Variants in TMPRSS11B observed in about 807,000 individuals in gnomAD.
TMPRSS11B encodes the protein transmembrane protease serine 11B.
In TMPRSS11B, 53 loss-of-function variants were observed where a neutral mutation model predicts 44.7. That is an observed-to-expected ratio of 1.19 (90% CI 0.95 to 1.49). The LOEUF (loss-of-function observed/expected upper bound fraction) is 1.49, where lower values mean the gene tolerates loss of function less well. Ranked by LOEUF, TMPRSS11B falls within the 40% of genes most tolerant of loss-of-function variation. TMPRSS11B has a pLI of 0.00. For missense variants in TMPRSS11B, 526 were observed against 494.8 expected (o/e 1.06, Z -0.60); for synonymous variants, 140 against 159.2 (o/e 0.88, Z 0.91).
intron 5 of TMPRSS11B, among the ~76,000 whole-genome samples, chr4:68,232,930 A>T (rs544801776): frequency 6.8e-6 from 1 of 146,448 alleles, no homozygotes; most frequent in African/African-American, 2.5e-5. Flanking sequence ...TTTACTCTGA[A>T]ATGCTCAGAA....
Position 68,235,999 on chromosome 4 carries a change from TAC to T in TMPRSS11B, c.308+1_308+2del, listed in dbSNP as rs766163085. 7.8e-6 allele frequency: 12 copies of T among 1,546,336 alleles called. 1 individual carries two copies. In the Admixed American group the frequency reaches 2.3e-4, roughly 30 times the overall value. Reference sequence around the variant, plus strand: ...ATAAAATCTTAAATGAACTTGTACTTACAGAAGTTTGATGACCTCAGATTTGA... The same window carrying T: ...ATAAAATCTTAAATGAACTTGTACTTAGAAGTTTGATGACCTCAGATTTGA... On this transcript the variant is annotated splice_donor_variant, in intron 4 of 9. Coordinates refer to ENST00000332644, the MANE Select transcript of TMPRSS11B (RefSeq NM_182502.3). LOFTEE classifies it high-confidence loss of function.
intron 1 of TMPRSS11B, among the ~76,000 whole-genome samples, chr4:68,243,120 T>C (rs1022775676): frequency 4.6e-5 from 7 of 152,174 alleles, no homozygotes; most frequent in Non-Finnish European, 1.0e-4. Context: ...TAATTGTCCA[T>C]TGGAGGAAGG....
chr4:68,227,998 AC>A lies in TMPRSS11B; in HGVS notation c.1163del (p.Gly388ValfsTer16). 1 of 1,613,730 alleles carries A rather than the reference AC, an allele frequency of 6.2e-7. No homozygotes were observed. The highest frequency in any genetic ancestry group is 1.7e-5 in the Admixed American group (1 of 59,950). ...GCTTATTCTTTTTACCACATCCATC[AC>A]CCCAGCTTACTATTCCAACAAGATG... ...IWHLVGIVSWGDGCGKKNKPG... is the reference protein window; with the variant it reads ...IWHLVGIVSWXDGCGKKNKPG... On this transcript the variant is annotated frameshift_variant, in exon 10 of 10. Transcript: ENST00000332644. LOFTEE classifies it high-confidence loss of function.
chr4:68,228,031 A>G lies in TMPRSS11B; in HGVS notation c.1131T>C (p.Asn377=), dbSNP rs1455340584. The G allele has an allele frequency of 1.9e-6, 3 of 1,613,612 alleles. No individual in the cohort carries two copies. The highest frequency in any genetic ancestry group is 1.1e-5 in the South Asian group (1 of 91,008). ...GGPLAYPDSR[N]IWHLVGIVSW... is the part of the protein sequence containing the mutation. Reference sequence around the variant, plus strand: ...TTACTATTCCAACAAGATGCCAGATATTTCTGGAATCAGGGTAAGCTAGTG... The same window carrying G: ...TTACTATTCCAACAAGATGCCAGATGTTTCTGGAATCAGGGTAAGCTAGTG... The change falls in exon 10 of 10, where the codon AAT becomes AAC. Residue 377 remains asparagine, a synonymous_variant. Transcript: ENST00000332644.
Position 68,231,196 on chromosome 4 carries a change from A to C in TMPRSS11B, c.686+7T>G. ...CATCCTTCATTTAGTCAAATTTTCA[A>C]ACTTACTTAGCAAAGCAGTGAGCTG... is the stretch of plus-strand genomic sequence containing the variant. On this transcript the variant is annotated splice_region_variant and intron_variant, in intron 7 of 9. Transcript: ENST00000332644. 1.3e-6 allele frequency: 2 copies of C among 1,595,328 alleles called. No homozygotes were observed. Among genetic ancestry groups the C allele is most frequent in the Non-Finnish European group, 1.7e-6 (2 of 1,171,450 alleles).
chr4:68,245,495 T>G (rs1168294564), intron 1 of TMPRSS11B, 56 bp downstream of exon 1: 8 of 1,585,394 alleles, frequency 5.0e-6, no homozygotes. Flanking sequence ...AGAACATACT[T>G]AATGGCAACT....
chr4:68,242,378 A>G (rs1289179705), intron 1 of TMPRSS11B, among the ~76,000 whole-genome samples: 4 of 80,840 alleles, frequency 4.9e-5, no homozygotes, highest in South Asian at 3.1e-4. Flanking sequence ...ATAATATTAT[A>G]TATATAATAT....
In TMPRSS11B at chr4:68,227,877, G is replaced by C; in HGVS notation, c.*34C>G. ...GCCACAGATAAGGATAGCCTACAGT[G>C]GTCTTTATGTTCCTTTGTATAATTC... is the stretch of plus-strand genomic sequence containing the variant. On this transcript the variant is annotated 3_prime_UTR_variant, in exon 10 of 10. Transcript: ENST00000332644. The C allele has an allele frequency of 1.3e-6, 2 of 1,541,092 alleles. No homozygotes were observed. The highest frequency in any genetic ancestry group is 1.7e-4 in the Middle Eastern group (1 of 5,730).
At chr4:68,228,200 A>T in intron 9 of TMPRSS11B, 128 bp from the exon 10 acceptor site, 2 of 828,868 alleles carry the variant, frequency 2.4e-6, no homozygotes, top group Non-Finnish European at 3.6e-6. Flanking sequence ...GAACTCTGAA[A>T]CCCTTAGGAC....
intron 7 of TMPRSS11B, among the ~76,000 whole-genome samples, chr4:68,230,515 A>G (rs538175789): frequency 6.6e-6 from 1 of 152,278 alleles, no homozygotes; most frequent in South Asian, 2.1e-4. Context: ...CTATTATTTA[A>G]GAACTAGGCT....
chr4:68,228,778 A>G lies in TMPRSS11B; in HGVS notation c.1053T>C (p.Cys351=). Residue 351 remains cysteine, a synonymous_variant, in exon 9 of 10, where the codon TGT becomes TGC. Coordinates refer to ENST00000332644, the MANE Select transcript of TMPRSS11B (RefSeq NM_182502.3). ...YSGFVTDTML[C]AGFMSGEADA... ...CAGCTTCTCCTGACATAAATCCAGC[A>G]CATAACATTGTATCAGTCACAAAGC... The G allele has an allele frequency of 6.2e-7, 1 of 1,613,822 alleles. No homozygotes were observed. Among genetic ancestry groups the G allele is most frequent in the Non-Finnish European group, 8.5e-7 (1 of 1,179,848 alleles).
chr4:68,242,685 C>T (rs1421356651), intron 1 of TMPRSS11B, among the ~76,000 whole-genome samples: 1 of 151,440 alleles, frequency 6.6e-6, no homozygotes, highest in African/African-American at 2.4e-5. Context: ...ATCCTCCCAC[C>T]TCAGCCTCCT....
rs1444117746 is a variant in TMPRSS11B at position 68,227,177 on chromosome 4, C to T, written c.*734G>A. On this transcript the variant is annotated 3_prime_UTR_variant, in exon 10 of 10. Coordinates refer to ENST00000332644, the MANE Select transcript of TMPRSS11B (RefSeq NM_182502.3). ...CACATATAAGTTAAAAAGTAATGTA[C>T]ACTTTCGCACTTATTCCAGTTAATA... 1 of 152,098 alleles carries T rather than the reference C, an allele frequency of 6.6e-6. No individual in the cohort carries two copies. Among genetic ancestry groups the T allele is most frequent in the Non-Finnish European group, 1.5e-5 (1 of 68,032 alleles). 9.4% of individuals were successfully genotyped at this position (152,098 alleles called of 1,614,324 possible). A position where few individuals can be genotyped will look rare whatever the true frequency, so the allele number is the denominator to read the frequency against.
chr4:68,231,676 T>C (rs1719519918), intron 6 of TMPRSS11B, among the ~76,000 whole-genome samples: 1 of 152,218 alleles, frequency 6.6e-6, no homozygotes, highest in East Asian at 1.9e-4. Context: ...CTTTGCCTCA[T>C]TGGTGTCTAC....
Position 68,228,891 on chromosome 4 carries a change from G to A in TMPRSS11B, c.947-7C>T. 6.2e-7 allele frequency: 1 copy of A among 1,611,240 alleles called. No individual in the cohort carries two copies. Among genetic ancestry groups the A allele is most frequent in the South Asian group, 1.1e-5 (1 of 90,430 alleles). On this transcript the variant is annotated splice_region_variant and splice_polypyrimidine_tract_variant and intron_variant, in intron 8 of 9. Transcript: ENST00000332644. ...AGTATCACTGGAAATGAACCTAAAA[G>A]CAATAAGTGCTGCATATTATGCAGA...
At chr4:68,231,129 A>C in intron 7 of TMPRSS11B, 74 bp downstream of exon 7, 14 of 1,315,408 alleles carry the variant, frequency 1.1e-5, no homozygotes, top group African/African-American at 1.5e-5. Flanking sequence ...TTGACACATT[A>C]AGTTAACCCC....
chr4:68,244,395 C>G (rs1271211735), intron 1 of TMPRSS11B, among the ~76,000 whole-genome samples: 3 of 152,284 alleles, frequency 2.0e-5, no homozygotes, highest in Admixed American at 6.5e-5. Context: ...GAGGCCGAGG[C>G]AGGCGGATCA....
At position 68,241,719 on chromosome 4, in the gene TMPRSS11B, T is replaced by C. The variant is rs1465434018; in HGVS notation, c.94A>G (p.Ile32Val). Residue 32 changes from isoleucine to valine, a missense_variant, in exon 2 of 10, where the codon ATT becomes GTT. Physicochemically the swap from Ile to Val is conservative, Grantham distance 29 (BLOSUM62 3). Transcript: ENST00000332644. ...GCCAGAAAATGAACAAGAAGACCAATGGTTACTCCCAAGATTGCCGCCACT... is the reference window on the plus strand; with the variant it reads ...GCCAGAAAATGAACAAGAAGACCAACGGTTACTCCCAAGATTGCCGCCACT... ...LGVAAILGVT[I>V]GLLVHFLAVE... The C allele has an allele frequency of 1.9e-6, 3 of 1,612,632 alleles. No individual in the cohort carries two copies. Among genetic ancestry groups the C allele is most frequent in the South Asian group, 1.1e-5 (1 of 91,024 alleles).
At chr4:68,234,425 A>AG (rs1553896180) in intron 5 of TMPRSS11B, 38 bp downstream of exon 5, 6 of 1,575,230 alleles carry the variant, frequency 3.8e-6, no homozygotes, top group Non-Finnish European at 4.3e-6. Flanking sequence ...TCCAGAAAAA[A>AG]CCTATGTAAT....
Sources: allele counts gnomAD v4.1 joint callset (sites outside exome capture counted in the v4.1 genomes callset), GRCh38; gene constraint gnomAD v4.1.1; transcripts MANE v1.5; gene names NCBI Gene and HGNC (gene_info 2026-07-23, HGNC 2026-07-21).